RALGPS1: variants seen among roughly 807,000 people sequenced by gnomAD.
RALGPS1 encodes the protein Ral GEF with PH domain and SH3 binding motif 1.
In RALGPS1, 19 loss-of-function variants were observed where a neutral mutation model predicts 78.8. The observed-to-expected ratio is 0.24, with a 90% CI of 0.17 to 0.35. The LOEUF is 0.35. Ranked by LOEUF, RALGPS1 falls within the 10% of genes least tolerant of loss-of-function variation. The probability of loss-of-function intolerance (pLI) is 1.00; values close to 1 mark genes in which losing one functional copy is unlikely to be tolerated. For synonymous variants in RALGPS1, 228 were observed against 256.3 expected (o/e 0.89, Z 1.06); for missense variants, 454 against 688.3 (o/e 0.66, Z 3.81).
chr9:126,992,377 A>AT (rs1564376920), intron 4 of RALGPS1, among the ~76,000 whole-genome samples: 1 of 152,120 alleles, frequency 6.6e-6, no homozygotes, highest in Non-Finnish European at 1.5e-5. Flanking sequence ...CACCCCAAAA[A>AT]TTTTTTAATA....
At chr9:127,027,049 C>T (rs1008125699) in intron 4 of RALGPS1, among the ~76,000 whole-genome samples, 17 of 152,190 alleles carry the variant, frequency 1.1e-4, no homozygotes, top group African/African-American at 4.1e-4. Context: ...AGGAGCCTTT[C>T]TGAGGTCCCC....
At chr9:127,166,929 G>A (rs1165999473) in intron 9 of RALGPS1, among the ~76,000 whole-genome samples, 2 of 151,970 alleles carry the variant, frequency 1.3e-5, no homozygotes, top group Non-Finnish European at 2.9e-5. Flanking sequence ...GCAGACTTGG[G>A]GTGTGGAGCT....
rs142236254 is a variant in RALGPS1, at chr9:127,152,168, G to A, written c.611-13901G>A. ...TTCTTGTACTGTATTCAAAAGAAAA[G>A]CTGTTTGAACTTTCTTCCAGATCCT... is the stretch of plus-strand genomic sequence containing the variant. On this transcript the variant is annotated intron_variant, in intron 8 of 18. Transcript: ENST00000259351. Among the ~76,000 whole-genome samples the A allele has an allele frequency of 2.0e-5, 3 of 152,140 alleles. No individual in the cohort carries two copies. The East Asian group carries it at 5.8e-4, about 29-fold the overall frequency.
chr9:127,073,542 T>C (rs1177451034), intron 8 of RALGPS1, among the ~76,000 whole-genome samples: 1 of 152,078 alleles, frequency 6.6e-6, no homozygotes, highest in Non-Finnish European at 1.5e-5. Flanking sequence ...TTATTCCATA[T>C]CTTGGGTAAG....
intron 3 of RALGPS1, among the ~76,000 whole-genome samples, chr9:126,973,698 G>A (rs1258731058): frequency 6.6e-6 from 1 of 152,130 alleles, no homozygotes; most frequent in Non-Finnish European, 1.5e-5. Context: ...CCAATCTCCA[G>A]AACTGCTTTC....
In RALGPS1 at chr9:127,093,718, C is replaced by G. The variant is rs942444561; in HGVS notation, c.610+24362C>G. On this transcript the variant is annotated intron_variant, in intron 8 of 18. Coordinates refer to ENST00000259351, the MANE Select transcript of RALGPS1 (RefSeq NM_014636.3). The stretch of plus-strand genomic sequence containing the variant: ...CACCTTGTGGGCAGCACAGACATCC[C>G]CTGCCGAGTCTCACCTTGTACGTCT... 6.2e-6 allele frequency: 10 copies of G among 1,613,170 alleles called. No individual in the cohort carries two copies. The Admixed American group carries it at 1.5e-4, about 24-fold the overall frequency.
intron 4 of RALGPS1, among the ~76,000 whole-genome samples, chr9:126,984,950 T>C (rs1221227599): frequency 5.9e-5 from 9 of 152,240 alleles, no homozygotes; most frequent in African/African-American, 1.9e-4. Flanking sequence ...TAAACAGTTA[T>C]TTTTTAAAAG....
chr9:126,968,990 G>A (rs568810132), intron 3 of RALGPS1, among the ~76,000 whole-genome samples: 30 of 152,232 alleles, frequency 2.0e-4, no homozygotes, highest in African/African-American at 6.5e-4. Context: ...AGAGGTTGCG[G>A]TGAGCCGAGA....
At chr9:127,132,045 C>T (rs2057041787) in intron 8 of RALGPS1, among the ~76,000 whole-genome samples, 1 of 152,168 alleles carries the variant, frequency 6.6e-6, no homozygotes, top group South Asian at 2.1e-4. Context: ...GAAGGAGAGT[C>T]AGGACTGGGC....
intron 1 of RALGPS1, among the ~76,000 whole-genome samples, chr9:126,958,167 A>G (rs1310368424): frequency 1.4e-5 from 2 of 140,970 alleles, no homozygotes; most frequent in African/African-American, 5.0e-5. Flanking sequence ...ATACACACAC[A>G]CACACACATA....
At chr9:127,007,028 A>G (rs2043902195) in intron 4 of RALGPS1, among the ~76,000 whole-genome samples, 1 of 152,154 alleles carries the variant, frequency 6.6e-6, no homozygotes, top group Non-Finnish European at 1.5e-5. Flanking sequence ...TGTGTACAAC[A>G]TTTCTCATGC....
chr9:127,212,734 A>G lies in RALGPS1; in HGVS notation c.1446+15A>G. 1.9e-6 allele frequency: 3 copies of G among 1,594,604 alleles called. 1 individual carries two copies. The highest frequency in any genetic ancestry group is 2.6e-6 in the Non-Finnish European group (3 of 1,163,220). ...ACAGAAAACACGTAAGTCCCTTGAA[A>G]GGACTCTAGTGCTGGGACTTCCTCT... On this transcript the variant is annotated intron_variant, in intron 16 of 18. Transcript: ENST00000259351. This position sits in a 1 kb window ranked among gnomAD's most constrained non-coding sequence, Gnocchi z 6.0.
At chr9:127,014,138 G>A (rs1335926789) in intron 4 of RALGPS1, among the ~76,000 whole-genome samples, 2 of 152,200 alleles carry the variant, frequency 1.3e-5, no homozygotes, top group Non-Finnish European at 2.9e-5. Context: ...AAACAGAGCA[G>A]CCCGGGCCTG....
chr9:127,118,484 G>A (rs1014107761), intron 8 of RALGPS1, among the ~76,000 whole-genome samples: 2 of 152,210 alleles, frequency 1.3e-5, no homozygotes, highest in African/African-American at 4.8e-5. Context: ...CCACAGTGTG[G>A]TTGTCCAGGA....
intron 14 of RALGPS1, among the ~76,000 whole-genome samples, chr9:127,202,203 C>T (rs936247274): frequency 6.6e-6 from 1 of 152,232 alleles, no homozygotes; most frequent in Non-Finnish European, 1.5e-5. Context: ...ACACCACACA[C>T]ACCTCTGGTG....
At chr9:127,182,352 CCCTTCCTT>C (rs1166804325) in intron 11 of RALGPS1, among the ~76,000 whole-genome samples, 1 of 97,052 alleles carries the variant, frequency 1.0e-5, no homozygotes, top group African/African-American at 4.4e-5. Context: ...CTTCCTTCCT[CCCTTCCTT>C]CCTTCCTTCC....
chr9:127,064,752 T>C (rs2049527063), intron 7 of RALGPS1, among the ~76,000 whole-genome samples: 1 of 152,240 alleles, frequency 6.6e-6, no homozygotes, highest in African/African-American at 2.4e-5. Context: ...TTTTGTTAAA[T>C]GAATATTTGG....
At chr9:127,195,866 C>A (rs1400918989) in intron 12 of RALGPS1, among the ~76,000 whole-genome samples, 1 of 151,628 alleles carries the variant, frequency 6.6e-6, no homozygotes, top group East Asian at 1.9e-4. Context: ...ACTTCCAAGG[C>A]ACAAGCTCAG....
At chr9:126,948,436 G>A (rs754839430) in intron 1 of RALGPS1, among the ~76,000 whole-genome samples, 7 of 152,222 alleles carry the variant, frequency 4.6e-5, no homozygotes, top group East Asian at 3.9e-4. Context: ...AGAATCGCTC[G>A]CTTGAACCTG....
Sources: allele counts gnomAD v4.1 joint callset (sites outside exome capture counted in the v4.1 genomes callset), GRCh38; gene constraint gnomAD v4.1.1; non-coding constraint Gnocchi (gnomAD v3.1); transcripts MANE v1.5; gene names NCBI Gene and HGNC (gene_info 2026-07-23, HGNC 2026-07-21).